GRM3: variants seen among roughly 807,000 people sequenced by gnomAD.
GRM3 encodes glutamate metabotropic receptor 3, also known as metabotropic glutamate receptor 3.
GRM3 carries 26 observed loss-of-function variants against 70.5 expected under a neutral mutation model. The observed-to-expected ratio is 0.37, with a 90% CI of 0.27 to 0.51. GRM3 has a LOEUF of 0.51. Ranked by LOEUF, GRM3 falls within the 20% of genes least tolerant of loss-of-function variation. The probability of loss-of-function intolerance (pLI) is 0.93; values close to 1 mark genes in which losing one functional copy is unlikely to be tolerated. For synonymous variants in GRM3, 443 were observed against 434.9 expected, an observed-to-expected ratio of 1.02 and a Z score of -0.23; for missense variants, 859 against 1,123.8, an observed-to-expected ratio of 0.76 and a Z score of 3.37.
chr7:86,681,778 A>C (rs1199358801), intron 1 of GRM3, among the ~76,000 whole-genome samples: 4 of 152,234 alleles, frequency 2.6e-5, no homozygotes, highest in African/African-American at 9.6e-5. Flanking sequence ...AAGCACAGAA[A>C]CACTGATAAA....
At position 86,786,065 on chromosome 7, in the gene GRM3, G is replaced by A. The variant is rs533192182; in HGVS notation, c.469-196G>A. 6.7e-5 allele frequency: 42 copies of A among 623,108 alleles called. No homozygotes were observed. The African/African-American group carries it at 7.4e-4, about 11-fold the overall frequency. The allele number at this position is 623,108 out of a possible 1,614,324, so 38.6% of individuals were successfully genotyped here. The stretch of plus-strand genomic sequence containing the variant: ...CCTGAAGCACACACTACCTGTGTGA[G>A]ACCTGCTTCCTAGTGTCCAAAATAC... On this transcript the variant is annotated intron_variant, in intron 2 of 5. Coordinates refer to ENST00000361669, the MANE Select transcript of GRM3 (RefSeq NM_000840.3). This position sits in a 1 kb window ranked among gnomAD's most constrained non-coding sequence, Gnocchi z 6.0.
intron 1 of GRM3, among the ~76,000 whole-genome samples, chr7:86,688,440 C>A (rs1794617092): frequency 6.6e-6 from 1 of 151,510 alleles, no homozygotes; most frequent in African/African-American, 2.4e-5. Flanking sequence ...CCATAGCAAG[C>A]TATAAAATCA....
intron 5 of GRM3, 101 bp from the exon 6 acceptor site, chr7:86,864,181 C>T (rs756477530): frequency 1.4e-5 from 10 of 726,168 alleles, no homozygotes; most frequent in Non-Finnish European, 1.8e-5. Flanking sequence ...CTCCTTCCCA[C>T]CCTTCCCCCC....
chr7:86,733,237 C>A (rs1310673478), intron 1 of GRM3, among the ~76,000 whole-genome samples: 1 of 151,650 alleles, frequency 6.6e-6, no homozygotes, highest in East Asian at 1.9e-4. Context: ...TGGCAGGAAC[C>A]CAGGAGGTGG....
intron 1 of GRM3, among the ~76,000 whole-genome samples, chr7:86,745,707 C>T (rs1796086200): frequency 6.6e-6 from 1 of 151,926 alleles, no homozygotes; most frequent in African/African-American, 2.4e-5. Context: ...TGTATACATG[C>T]CTAATTTTTC....
intron 3 of GRM3, among the ~76,000 whole-genome samples, chr7:86,823,316 C>T (rs977198866): frequency 3.3e-5 from 5 of 152,150 alleles, no homozygotes; most frequent in Admixed American, 6.5e-5. Context: ...TCCCCATTCT[C>T]AGCATCCCAG....
chr7:86,802,980 A>G (rs529844549), intron 3 of GRM3, among the ~76,000 whole-genome samples: 2 of 152,328 alleles, frequency 1.3e-5, no homozygotes, highest in Admixed American at 1.3e-4. Context: ...TTTACAGGCT[A>G]TTCAGTCACC....
intron 1 of GRM3, among the ~76,000 whole-genome samples, chr7:86,717,942 C>T (rs1341708303): frequency 1.5e-5 from 1 of 67,268 alleles, no homozygotes; most frequent in Non-Finnish European, 2.9e-5. Context: ...ACAGTATCAG[C>T]TTTAAAAAAA....
chr7:86,689,086 C>T (rs1466939883), intron 1 of GRM3, among the ~76,000 whole-genome samples: 1 of 150,416 alleles, frequency 6.6e-6, no homozygotes, highest in Non-Finnish European at 1.5e-5. Context: ...AAGACTAGTA[C>T]AAAAGGTCGA....
rs541518325 is a variant in GRM3, at chr7:86,653,071, C to T, written c.-141+8199C>T. On this transcript the variant is annotated intron_variant, in intron 1 of 5. Coordinates refer to ENST00000361669, the MANE Select transcript of GRM3 (RefSeq NM_000840.3). ...TTATTTTTCACAGTTGCAGATGTTG[C>T]GAAGTCCATGATTAAGATTATAGCA... 1.1e-4 allele frequency among the ~76,000 whole-genome samples: 16 copies of T among 152,282 alleles called. No homozygotes were observed. In the South Asian group the frequency reaches 1.2e-3, roughly 12 times the overall value.
chr7:86,683,243 G>A (rs573206416), intron 1 of GRM3, among the ~76,000 whole-genome samples: 1 of 152,256 alleles, frequency 6.6e-6, no homozygotes, highest in South Asian at 2.1e-4. Flanking sequence ...AGAAGAGGAA[G>A]GAGTCAAGTG....
intron 1 of GRM3, among the ~76,000 whole-genome samples, chr7:86,729,365 C>T (rs574544161): frequency 1.3e-5 from 2 of 152,200 alleles, no homozygotes; most frequent in Admixed American, 1.3e-4. Flanking sequence ...TGGTGTATAA[C>T]GTGTTCCATT....
intron 2 of GRM3, among the ~76,000 whole-genome samples, chr7:86,782,166 A>ACATATATATAT (rs1417817733): frequency 7.6e-4 from 116 of 152,068 alleles, no homozygotes; most frequent in South Asian, 2.1e-3. Context: ...ATATATCCAG[A>ACATATATATAT]ATTTGTCCTT....
chr7:86,785,676 A>G lies in GRM3; in HGVS notation c.469-585A>G, dbSNP rs530543536. ...CCTAAAATGTTGGGTGGTGGACTAAATAGAATTGATTTTTTTTTTTTTTTT... is the reference window on the plus strand; with the variant it reads ...CCTAAAATGTTGGGTGGTGGACTAAGTAGAATTGATTTTTTTTTTTTTTTT... On this transcript the variant is annotated intron_variant, in intron 2 of 5. Transcript: ENST00000361669. 1.7e-4 allele frequency among the ~76,000 whole-genome samples: 24 copies of G among 140,576 alleles called. No homozygotes were observed. In the South Asian group the frequency reaches 5.5e-3, roughly 32 times the overall value. 92.2% of individuals were successfully genotyped at this position (140,576 alleles called of 152,430 possible). A position where few individuals can be genotyped will look rare whatever the true frequency, so the allele number is the denominator to read the frequency against.
chr7:86,796,583 C>G (rs1002997794), intron 3 of GRM3, among the ~76,000 whole-genome samples: 1 of 152,096 alleles, frequency 6.6e-6, no homozygotes, highest in African/African-American at 2.4e-5. Context: ...AGTAGTTTCC[C>G]TAATTCTGTG....
chr7:86,764,123 G>A (rs1384386316), intron 1 of GRM3, among the ~76,000 whole-genome samples: 1 of 152,122 alleles, frequency 6.6e-6, no homozygotes, highest in African/African-American at 2.4e-5. Flanking sequence ...GTGTCTGAAG[G>A]ATGTGTGGGT....
intron 1 of GRM3, among the ~76,000 whole-genome samples, chr7:86,713,702 C>A (rs779494035): frequency 2.6e-5 from 4 of 151,928 alleles, no homozygotes; most frequent in Non-Finnish European, 5.9e-5. Flanking sequence ...ATGGCCAGGG[C>A]AGCAGAAATA....
chr7:86,683,926 T>A (rs944645206), intron 1 of GRM3, among the ~76,000 whole-genome samples: 1 of 152,162 alleles, frequency 6.6e-6, no homozygotes, highest in African/African-American at 2.4e-5. Flanking sequence ...ATGACCACTT[T>A]CCCAGGACGG....
intron 1 of GRM3, among the ~76,000 whole-genome samples, chr7:86,656,257 GTTC>G (rs1351379432): frequency 2.2e-5 from 2 of 91,422 alleles, no homozygotes; most frequent in African/African-American, 8.8e-5. Context: ...ACTATACTAT[GTTC>G]TTTTTTTTTT....
Sources: gnomAD v4.1 joint callset for allele counts (sites outside exome capture counted in the v4.1 genomes callset) on GRCh38, gnomAD v4.1.1 for gene constraint, Gnocchi (gnomAD v3.1) non-coding constraint, MANE v1.5 for transcripts, NCBI Gene and HGNC (gene_info 2026-07-23, HGNC 2026-07-21) for gene names.